The following CSMD1 variants were observed in gnomAD, a reference collection of about 807,000 sequenced individuals.
CSMD1 encodes the protein CUB and sushi domain-containing protein 1.
CSMD1 carries 213 observed loss-of-function variants against 417.5 expected under a neutral mutation model. The observed-to-expected ratio is 0.51, with a 90% CI of 0.46 to 0.57. The LOEUF (loss-of-function observed/expected upper bound fraction) is 0.57, where lower values mean the gene tolerates loss of function less well. Among genes scored for constraint, CSMD1 ranks in the 20% least tolerant of loss-of-function variants. CSMD1 has a pLI of 0.00. For synonymous variants in CSMD1, 2,862 were observed against 1,736.8 expected (o/e 1.65, Z -16.11); for missense variants, 6,923 against 4,529.7 (o/e 1.53, Z -15.17).
chr8:4,423,504 C>A (rs1585051537), intron 2 of CSMD1, among the ~76,000 whole-genome samples: 1 of 152,002 alleles, frequency 6.6e-6, no homozygotes, highest in South Asian at 2.1e-4. Context: ...ATAAGCCCAA[C>A]AGTGTATACA....
chr8:3,753,979 G>A lies in CSMD1; in HGVS notation c.882C>T (p.Phe294=), dbSNP rs772061769. 3 of 1,612,994 alleles carry A rather than the reference G, an allele frequency of 1.9e-6. No individual in the cohort carries two copies. The highest frequency in any genetic ancestry group is 1.1e-5 in the South Asian group (1 of 91,054). ...TGCGTCGGTGGTTGCTGTCAGAGGT[G>A]AAATGGAGTCGTAGCCAATTCTTGC... is the stretch of plus-strand genomic sequence containing the variant. ...ISSKNWLRLH[F]TSDSNHRRKG... The change falls in exon 6 of 70, where the codon TTC becomes TTT. Residue 294 remains phenylalanine (F), a synonymous_variant. Transcript: ENST00000635120.
chr8:3,084,365 T>C (rs1467322695), intron 49 of CSMD1, among the ~76,000 whole-genome samples: 1 of 151,282 alleles, frequency 6.6e-6, no homozygotes, highest in Non-Finnish European at 1.5e-5. Flanking sequence ...CTCTACTAAA[T>C]ACAAAAAATT....
At chr8:3,903,175 T>C (rs1404317636) in intron 5 of CSMD1, among the ~76,000 whole-genome samples, 1 of 152,062 alleles carries the variant, frequency 6.6e-6, no homozygotes, top group Non-Finnish European at 1.5e-5. Flanking sequence ...AGCGATTGAG[T>C]ATTAAGTGTT....
intron 3 of CSMD1, among the ~76,000 whole-genome samples, chr8:4,036,562 T>C (rs574769745): frequency 6.6e-6 from 1 of 152,196 alleles, no homozygotes; most frequent in Non-Finnish European, 1.5e-5. Flanking sequence ...TTCTGTTCAA[T>C]TTCATCAATT....
intron 11 of CSMD1, among the ~76,000 whole-genome samples, chr8:3,482,636 G>T (rs1199916581): frequency 1.3e-5 from 2 of 152,130 alleles, no homozygotes; most frequent in African/African-American, 4.8e-5. Context: ...TCAACCAACA[G>T]GATCTAACTG....
rs149997413 is a variant in CSMD1, at chr8:4,481,561, G to A, written c.303-61496C>T. Among the ~76,000 whole-genome samples the A allele has an allele frequency of 7.2e-5, 11 of 152,092 alleles. No homozygotes were observed. In the East Asian group the frequency reaches 1.4e-3, roughly 19 times the overall value. On this transcript the variant is annotated intron_variant, in intron 2 of 69. Coordinates refer to ENST00000635120, the MANE Select transcript of CSMD1 (RefSeq NM_033225.6). Reference sequence around the variant, plus strand: ...AATTAACCTGTTTTTATTTGGTGACGGACTAAGCTAATATTTTTCACGTGT... The same window carrying A: ...AATTAACCTGTTTTTATTTGGTGACAGACTAAGCTAATATTTTTCACGTGT...
chr8:3,935,997 T>C (rs1363276217), intron 5 of CSMD1, among the ~76,000 whole-genome samples: 1 of 152,220 alleles, frequency 6.6e-6, no homozygotes. Flanking sequence ...TTTCAGTGAA[T>C]GCAAATGATA....
chr8:4,269,871 A>T (rs1804466252), intron 3 of CSMD1, among the ~76,000 whole-genome samples: 1 of 152,186 alleles, frequency 6.6e-6, no homozygotes, highest in Admixed American at 6.6e-5. Flanking sequence ...AAGTTATTGC[A>T]TCATTACTGG....
At chr8:4,194,784 C>T (rs900982322) in intron 3 of CSMD1, among the ~76,000 whole-genome samples, 1 of 151,966 alleles carries the variant, frequency 6.6e-6, no homozygotes, top group Non-Finnish European at 1.5e-5. Context: ...CATTCACAAC[C>T]TTCATGAGAC....
chr8:4,035,870 C>T (rs1240928992), intron 3 of CSMD1, among the ~76,000 whole-genome samples: 1 of 152,096 alleles, frequency 6.6e-6, no homozygotes, highest in Non-Finnish European at 1.5e-5. Context: ...GTACATAGTC[C>T]CGTCCGAAGC....
intron 2 of CSMD1, among the ~76,000 whole-genome samples, chr8:4,636,286 G>T (rs746429732): frequency 1.3e-5 from 2 of 152,050 alleles, no homozygotes; most frequent in African/African-American, 2.4e-5. Flanking sequence ...AGACGTACAG[G>T]TATAATTTTT....
intron 1 of CSMD1, among the ~76,000 whole-genome samples, chr8:4,919,887 G>C (rs1585328499): frequency 6.6e-6 from 1 of 152,024 alleles, no homozygotes; most frequent in African/African-American, 2.4e-5. Context: ...CCTCCAGAGG[G>C]TGCAGCAACA....
intron 1 of CSMD1, among the ~76,000 whole-genome samples, chr8:4,834,513 A>G (rs897301343): frequency 6.6e-6 from 1 of 152,210 alleles, no homozygotes; most frequent in Admixed American, 6.5e-5. Context: ...TAAGGGATCA[A>G]CACATGAAGA....
chr8:4,257,825 G>C (rs1362141903), intron 3 of CSMD1, among the ~76,000 whole-genome samples: 1 of 152,194 alleles, frequency 6.6e-6, no homozygotes, highest in African/African-American at 2.4e-5. Context: ...TGCATGCATA[G>C]GGAATACAGA....
chr8:4,403,761 C>T (rs1804821040), intron 3 of CSMD1, among the ~76,000 whole-genome samples: 1 of 152,180 alleles, frequency 6.6e-6, no homozygotes, highest in Admixed American at 6.5e-5. Flanking sequence ...AGCAACTCCA[C>T]TTACGTTTCC....
chr8:3,269,984 G>T (rs1177956158), intron 26 of CSMD1, among the ~76,000 whole-genome samples: 1 of 151,386 alleles, frequency 6.6e-6, no homozygotes, highest in Non-Finnish European at 1.5e-5. Flanking sequence ...TCCATTGATG[G>T]CCATCAACAT....
intron 1 of CSMD1, among the ~76,000 whole-genome samples, chr8:4,852,385 C>T (rs901017885): frequency 2.6e-5 from 4 of 152,008 alleles, no homozygotes; most frequent in African/African-American, 7.2e-5. Flanking sequence ...TGGCTCCTCT[C>T]CTCTCTCTCT....
chr8:3,307,968 A>G (rs1192174878), intron 24 of CSMD1, 147 bp from the exon 25 acceptor site: 24 of 928,394 alleles, frequency 2.6e-5, no homozygotes, highest in East Asian at 5.4e-5. Flanking sequence ...GACCGTTTCA[A>G]TATTTCTTCC....
At chr8:4,510,631 C>G (rs1802773016) in intron 2 of CSMD1, among the ~76,000 whole-genome samples, 2 of 139,058 alleles carry the variant, frequency 1.4e-5, no homozygotes, top group Non-Finnish European at 3.1e-5. Context: ...TTCCTTCCCT[C>G]TCCCCTTCCT....
Sources: gnomAD v4.1 joint callset for allele counts (sites outside exome capture counted in the v4.1 genomes callset) on GRCh38, gnomAD v4.1.1 for gene constraint, MANE v1.5 for transcripts, NCBI Gene and HGNC (gene_info 2026-07-23, HGNC 2026-07-21) for gene names.